MINAR1: variants seen among roughly 807,000 people sequenced by gnomAD.
MINAR1 encodes the protein membrane integral NOTCH2 associated receptor 1.
A neutral mutation model predicts 65.1 loss-of-function variants in MINAR1; 40 were observed. The ratio of observed to expected loss-of-function variants is 0.61; its 90% CI spans 0.48 to 0.80. MINAR1 has a LOEUF of 0.80. Among genes scored for constraint, MINAR1 ranks in the 30% least tolerant of loss-of-function variants. The pLI, the probability that MINAR1 is intolerant of heterozygous loss-of-function variation, is 0.00. For missense variants in MINAR1, 1,128 were observed against 1,148.0 expected (o/e 0.98, Z 0.25); for synonymous variants, 482 against 449.1 (o/e 1.07, Z -0.93).
upstream of MINAR1, among the ~76,000 whole-genome samples, chr15:79,430,388 C>T (rs751333913): frequency 1.2e-4 from 18 of 152,006 alleles, no homozygotes; most frequent in Non-Finnish European, 2.5e-4. Flanking sequence ...AGGCAGATCC[C>T]ACGCAGCTTC....
chr15:79,420,124 T>C, the MINAR1 span: 2 of 152,242 alleles, frequency 1.3e-5, no homozygotes, highest in Non-Finnish European at 2.9e-5. Context: ...AAATCAAATT[T>C]GTCTCAGTAA....
At position 79,449,876 on chromosome 15, in the gene MINAR1, T is replaced by C. The variant is rs1895134768; in HGVS notation, c.-50-6222T>C. Among the ~76,000 whole-genome samples the C allele has an allele frequency of 2.0e-5, 3 of 152,338 alleles. No homozygotes were observed. The South Asian group carries it at 6.2e-4, about 32-fold the overall frequency. Reference sequence around the variant, plus strand: ...CTGTACCGTCATGCCTTCTGCCCTCTGCCTAGAGTACCTACCCTGTCCCTT... The same window carrying C: ...CTGTACCGTCATGCCTTCTGCCCTCCGCCTAGAGTACCTACCCTGTCCCTT... On this transcript the variant is annotated intron_variant, in intron 1 of 3. Transcript: ENST00000305428.
intron 1 of MINAR1, among the ~76,000 whole-genome samples, chr15:79,452,814 G>C (rs1295936211): frequency 6.8e-6 from 1 of 146,090 alleles, no homozygotes; most frequent in Non-Finnish European, 1.5e-5. Flanking sequence ...AAGCTCTGTG[G>C]GTGTGAAGCT....
the MINAR1 span, chr15:79,415,766 A>T: frequency 2.6e-5 from 4 of 152,140 alleles, no homozygotes; most frequent in Admixed American, 6.6e-5. Context: ...CAAAAGCAGC[A>T]CTCCCAGAAA....
At chr15:79,435,095 A>G (rs1310864858) in intron 1 of MINAR1, among the ~76,000 whole-genome samples, 1 of 152,134 alleles carries the variant, frequency 6.6e-6, no homozygotes, top group African/African-American at 2.4e-5. Flanking sequence ...ACCAACATGG[A>G]GAAACCCTGT....
rs1228331831 is a variant in MINAR1, at chr15:79,457,472, C to A, written c.1325C>A (p.Ser442Tyr). ...QNGLKSKEIS[S>Y]PVDLEKHEPV... The stretch of plus-strand genomic sequence containing the variant: ...GGGCTCAAATCTAAAGAGATCTCAT[C>A]CCCTGTTGACCTGGAGAAGCATGAA... Residue 442 changes from serine to tyrosine, a missense_variant, in exon 2 of 4, where the codon TCC (serine) becomes TAC (tyrosine). Physicochemically the swap from Ser to Tyr is moderately radical, Grantham distance 144 (BLOSUM62 -2). Coordinates refer to ENST00000305428, the MANE Select transcript of MINAR1 (RefSeq NM_015206.3). The A allele has an allele frequency of 4.3e-6, 7 of 1,614,056 alleles. No individual in the cohort carries two copies. The highest frequency in any genetic ancestry group is 5.1e-6 in the Non-Finnish European group (6 of 1,180,028).
At chr15:79,440,343 A>G (rs1894835927) in intron 1 of MINAR1, among the ~76,000 whole-genome samples, 1 of 152,218 alleles carries the variant, frequency 6.6e-6, no homozygotes, top group Non-Finnish European at 1.5e-5. Context: ...AGATGCAGGG[A>G]GCTGCAGCCA....
At chr15:79,439,923 G>A (rs1443759237) in intron 1 of MINAR1, among the ~76,000 whole-genome samples, 1 of 152,006 alleles carries the variant, frequency 6.6e-6, no homozygotes, top group African/African-American at 2.4e-5. Context: ...AGTATACTAT[G>A]GCCACCAAAA....
At position 79,458,213 on chromosome 15, in the gene MINAR1, G is replaced by A. The variant is rs1259372637; in HGVS notation, c.2066G>A (p.Ser689Asn). Residue 689 changes from serine (S) to asparagine (N), a missense_variant, in exon 2 of 4, where the codon AGC (serine) becomes AAC (asparagine). Coordinates refer to ENST00000305428, the MANE Select transcript of MINAR1 (RefSeq NM_015206.3). ...TGGTGCTGCTCTGATGCTAGCGGGA[G>A]CAACAGTGAAAGCCTGCGGGTCAAG... ...PDWCCSDASG[S>N]NSESLRVKAL... 6.2e-7 allele frequency: 1 copy of A among 1,614,086 alleles called. No individual in the cohort carries two copies. The highest frequency in any genetic ancestry group is 1.7e-5 in the Admixed American group (1 of 60,024).
intron 1 of MINAR1, among the ~76,000 whole-genome samples, chr15:79,450,909 G>A (rs1165542888): frequency 6.6e-6 from 1 of 152,164 alleles, no homozygotes; most frequent in Non-Finnish European, 1.5e-5. Context: ...TTGAATGCCT[G>A]TCACATGGGA....
chr15:79,455,537 C>T (rs535886534), intron 1 of MINAR1, among the ~76,000 whole-genome samples: 167 of 152,274 alleles, frequency 1.1e-3, no homozygotes, highest in Non-Finnish European at 2.0e-3. Context: ...CTTCTCTGTG[C>T]CCCTTTGAGG....
intron 3 of MINAR1, among the ~76,000 whole-genome samples, chr15:79,464,379 T>G (rs75769889): frequency 6.9e-4 from 105 of 152,356 alleles, no homozygotes; most frequent in African/African-American, 2.4e-3. Flanking sequence ...CAACTTTGCA[T>G]GGTGCTTTTT....
chr15:79,460,489 G>A (rs1388455693), intron 2 of MINAR1, among the ~76,000 whole-genome samples: 6 of 152,112 alleles, frequency 3.9e-5, no homozygotes, highest in East Asian at 1.9e-4. Context: ...TTTGTCCAGC[G>A]TAGCTACCAG....
chr15:79,444,799 A>G (rs549074097), intron 1 of MINAR1, among the ~76,000 whole-genome samples: 1 of 152,068 alleles, frequency 6.6e-6, no homozygotes, highest in African/African-American at 2.4e-5. Context: ...CAGGATATAA[A>G]TTCATTTTTT....
intron 1 of MINAR1, among the ~76,000 whole-genome samples, chr15:79,452,760 A>T (rs201399277): frequency 9.3e-5 from 13 of 139,720 alleles, no homozygotes; most frequent in African/African-American, 2.7e-4. Flanking sequence ...TGTGTGGGTG[A>T]GTGAAGCTGT....
chr15:79,431,007 C>T (rs550084226), upstream of MINAR1, among the ~76,000 whole-genome samples: 1 of 152,356 alleles, frequency 6.6e-6, no homozygotes, highest in East Asian at 1.9e-4. Flanking sequence ...ATCCAGACAG[C>T]TGAGGGAGGC....
At chr15:79,461,197 A>G (rs1281364598) in intron 2 of MINAR1, among the ~76,000 whole-genome samples, 1 of 152,260 alleles carries the variant, frequency 6.6e-6, no homozygotes, top group Non-Finnish European at 1.5e-5. Flanking sequence ...CATGGGCAGC[A>G]ATGAAACTTT....
At chr15:79,448,080 A>G (rs1895071799) in intron 1 of MINAR1, among the ~76,000 whole-genome samples, 1 of 152,306 alleles carries the variant, frequency 6.6e-6, no homozygotes, top group South Asian at 2.1e-4. Context: ...GAATCTGGGC[A>G]TTTAGCTTGC....
intron 1 of MINAR1, among the ~76,000 whole-genome samples, chr15:79,440,888 C>T (rs1894852166): frequency 6.6e-6 from 1 of 152,150 alleles, no homozygotes; most frequent in Admixed American, 6.5e-5. Flanking sequence ...TCTGTCTCCC[C>T]CACTAGATTA....
Sources: allele counts gnomAD v4.1 joint callset (sites outside exome capture counted in the v4.1 genomes callset), GRCh38; gene constraint gnomAD v4.1.1; transcripts MANE v1.5; gene names NCBI Gene and HGNC (gene_info 2026-07-23, HGNC 2026-07-21).